Variants in GLRA2 observed in about 807,000 individuals in gnomAD.
GLRA2 encodes the protein glycine receptor subunit alpha-2.
Under a neutral mutation model 31.6 loss-of-function variants are expected in GLRA2, and 11 were observed. That is an observed-to-expected ratio of 0.35 (90% CI 0.22 to 0.58). The LOEUF (loss-of-function observed/expected upper bound fraction) is 0.58, where lower values mean the gene tolerates loss of function less well. Among genes scored for constraint, GLRA2 ranks in the 20% least tolerant of loss-of-function variants. The pLI is 0.84. For missense variants in GLRA2, 212 were observed against 351.8 expected (o/e 0.60, Z 3.18); for synonymous variants, 132 against 134.0 (o/e 0.99, Z 0.10).
At chrX:14,583,965 T>A (rs953208358) in intron 4 of GLRA2, among the ~76,000 whole-genome samples, 2 of 111,316 alleles carry the variant, frequency 1.8e-5, no homozygotes, top group African/African-American at 6.5e-5. Context: ...GTACAAACGC[T>A]GCATGTTCTT....
At chrX:14,493,234 A>G in the GLRA2 span, among the ~76,000 whole-genome samples, 16 of 110,806 alleles carry the variant, frequency 1.4e-4, no homozygotes, top group African/African-American at 4.6e-4. Context: ...TTTTTCTATC[A>G]TGTTTTTTAA....
At chrX:14,564,656 T>G (rs1237435469) in intron 2 of GLRA2, among the ~76,000 whole-genome samples, 1 of 112,388 alleles carries the variant, frequency 8.9e-6, no homozygotes, top group Non-Finnish European at 1.9e-5. Flanking sequence ...GATTTTATTG[T>G]GCATTCAATA....
chrX:14,587,861 C>A (rs1012413772), intron 4 of GLRA2, among the ~76,000 whole-genome samples: 1 of 110,051 alleles, frequency 9.1e-6, no homozygotes, highest in African/African-American at 3.3e-5. Context: ...AAATAATTTT[C>A]CAAGGCCAGT....
rs377121617 is a variant in GLRA2 at position 14,604,543 on chromosome X, AGTGTGTGTGTGTGT to A, written c.577+183_577+196del. ...ACATCCTAATGGAAAGACAAACCAA[AGTGTGTGTGTGTGT>A]GTGTGTGTGTGTGTGTGTGTGTGTG... On this transcript the variant is annotated intron_variant, in intron 5 of 8. Coordinates refer to ENST00000218075, the MANE Select transcript of GLRA2 (RefSeq NM_002063.4). 586 of 161,177 alleles carry A rather than the reference AGTGTGTGTGTGTGT, an allele frequency of 3.6e-3. 2 individuals carry two copies. The highest frequency in any genetic ancestry group is 0.013 in the African/African-American group (335 of 25,217). 13.3% of individuals were successfully genotyped at this position (161,177 alleles called of 1,213,427 possible).
chrX:14,616,068 T>C (rs769377579), intron 7 of GLRA2, among the ~76,000 whole-genome samples: 2 of 111,802 alleles, frequency 1.8e-5, no homozygotes, highest in South Asian at 7.7e-4. Context: ...AAGCCTCTAG[T>C]GGCAGACTAA....
intron 7 of GLRA2, among the ~76,000 whole-genome samples, chrX:14,632,278 A>G (rs780288526): frequency 1.8e-5 from 2 of 110,709 alleles, no homozygotes; most frequent in African/African-American, 6.6e-5. Flanking sequence ...GGTCCCTGTT[A>G]CTCCATCTTG....
At chrX:14,707,780 G>C (rs183650012) in intron 8 of GLRA2, among the ~76,000 whole-genome samples, 1 of 109,954 alleles carries the variant, frequency 9.1e-6, no homozygotes, top group East Asian at 2.9e-4. Context: ...GTGTGCACGC[G>C]CGCGTGTTGC....
the GLRA2 span, among the ~76,000 whole-genome samples, chrX:14,461,731 C>T: frequency 9.0e-5 from 10 of 111,631 alleles, no homozygotes; most frequent in South Asian, 1.1e-3. Context: ...TTATTTTGAG[C>T]GTATATGTGT....
chrX:14,476,166 T>C, the GLRA2 span, among the ~76,000 whole-genome samples: 24 of 112,355 alleles, frequency 2.1e-4, no homozygotes, highest in African/African-American at 7.1e-4. Context: ...CACTGCTCTG[T>C]ATATTTCAGT....
chrX:14,670,479 T>A lies in GLRA2; in HGVS notation c.931-20231T>A, dbSNP rs184705603. 1.4e-3 allele frequency among the ~76,000 whole-genome samples: 152 copies of A among 111,335 alleles called. 1 individual carries two copies. Among genetic ancestry groups the A allele is most frequent in the Middle Eastern group, 4.6e-3 (1 of 217 alleles). The stretch of plus-strand genomic sequence containing the variant: ...CTGGGCAATTTAGAAAAGAAAGAGG[T>A]TTAATGGACTTATAGTCCCACGTGG... On this transcript the variant is annotated intron_variant, in intron 7 of 8. Transcript: ENST00000218075.
At chrX:14,591,536 TCTC>T (rs1228702171) in intron 4 of GLRA2, among the ~76,000 whole-genome samples, 1 of 111,746 alleles carries the variant, frequency 8.9e-6, no homozygotes, top group Non-Finnish European at 1.9e-5. Flanking sequence ...TCTTCCATCT[TCTC>T]CTGCCTGCTT....
At chrX:14,465,954 G>A in the GLRA2 span, among the ~76,000 whole-genome samples, 3 of 112,056 alleles carry the variant, frequency 2.7e-5, no homozygotes, top group South Asian at 1.1e-3. Context: ...CTAGTTGGAT[G>A]TATACCCATA....
chrX:14,581,635 G>A (rs112102318), intron 4 of GLRA2, among the ~76,000 whole-genome samples: 3 of 111,426 alleles, frequency 2.7e-5, no homozygotes, highest in African/African-American at 9.8e-5. Context: ...ATGGTATTGT[G>A]TAATCACCTG....
intron 7 of GLRA2, among the ~76,000 whole-genome samples, chrX:14,660,135 T>TG (rs928856293): frequency 9.9e-5 from 11 of 111,667 alleles, no homozygotes; most frequent in Non-Finnish European, 1.7e-4. Context: ...TAAGTGCTGT[T>TG]GGGGGGCAGG....
At chrX:14,670,144 A>G (rs6628407) in intron 7 of GLRA2, among the ~76,000 whole-genome samples, 29 of 111,892 alleles carry the variant, frequency 2.6e-4, no homozygotes, top group East Asian at 1.7e-3. Flanking sequence ...CTAAAACATA[A>G]TAAGAGTCAC....
rs907962814 is a variant in GLRA2, at chrX:14,573,196, G to C, written c.203-1137G>C. Reference sequence around the variant, plus strand: ...GCTCCTTCTTTTACCAAAAGATTTTGCCTGGGGAGTTAAATTAGCCATTGT... The same window carrying C: ...GCTCCTTCTTTTACCAAAAGATTTTCCCTGGGGAGTTAAATTAGCCATTGT... On this transcript the variant is annotated intron_variant, in intron 2 of 8. Transcript: ENST00000218075. 4.5e-5 allele frequency among the ~76,000 whole-genome samples: 5 copies of C among 111,987 alleles called. No individual in the cohort carries two copies. The Admixed American group carries it at 4.7e-4, about 11-fold the overall frequency.
chrX:14,686,759 C>G (rs1447032446), intron 7 of GLRA2, among the ~76,000 whole-genome samples: 1 of 111,720 alleles, frequency 9.0e-6, no homozygotes, highest in Non-Finnish European at 1.9e-5. Flanking sequence ...TGGGTCTTGA[C>G]TCTTAATCCA....
intron 8 of GLRA2, among the ~76,000 whole-genome samples, chrX:14,702,527 TAAGTGTGAATATA>T (rs1008151588): frequency 2.7e-5 from 3 of 112,297 alleles, no homozygotes; most frequent in African/African-American, 9.7e-5. Context: ...AAGCTTGTCT[TAAGTGTGAATATA>T]AAAGTGGCTT....
At chrX:14,637,964 C>G (rs2090728646) in intron 7 of GLRA2, among the ~76,000 whole-genome samples, 1 of 111,314 alleles carries the variant, frequency 9.0e-6, no homozygotes, top group Non-Finnish European at 1.9e-5. Flanking sequence ...ATAAGCAAGG[C>G]TAATACTAGT....
Sources: allele counts gnomAD v4.1 joint callset (sites outside exome capture counted in the v4.1 genomes callset), GRCh38; gene constraint gnomAD v4.1.1; transcripts MANE v1.5; gene names NCBI Gene and HGNC (gene_info 2026-07-23, HGNC 2026-07-21).